Variants in GRID2 observed in about 807,000 individuals in gnomAD.
GRID2 encodes the protein glutamate receptor ionotropic, delta-2.
GRID2 carries 33 observed loss-of-function variants against 114.8 expected under a neutral mutation model. The ratio of observed to expected loss-of-function variants is 0.29; its 90% CI spans 0.22 to 0.38. The LOEUF is 0.38. Ranked by LOEUF, GRID2 falls within the 10% of genes least tolerant of loss-of-function variation. GRID2 has a pLI of 1.00. For synonymous variants in GRID2, 505 were observed against 449.9 expected (o/e 1.12, Z -1.55); for missense variants, 1,184 against 1,257.7 (o/e 0.94, Z 0.89).
intron 2 of GRID2, among the ~76,000 whole-genome samples, chr4:93,068,473 TCTAA>T (rs879548311): frequency 1.3e-5 from 2 of 152,082 alleles, no homozygotes; most frequent in Non-Finnish European, 2.9e-5. Context: ...AATTGGAACA[TCTAA>T]CTCTCGTTAA....
chr4:93,127,765 G>A (rs1340718957), intron 4 of GRID2, among the ~76,000 whole-genome samples: 10 of 151,952 alleles, frequency 6.6e-5, no homozygotes, highest in Non-Finnish European at 1.5e-4. Context: ...GGGAGGCTGA[G>A]GCAGGAGGAT....
intron 13 of GRID2, among the ~76,000 whole-genome samples, chr4:93,561,873 C>G (rs1171816585): frequency 2.0e-5 from 3 of 152,040 alleles, no homozygotes; most frequent in Non-Finnish European, 2.9e-5. Flanking sequence ...ATTTTTTAAG[C>G]TCTGAATAAT....
intron 8 of GRID2, among the ~76,000 whole-genome samples, chr4:93,300,507 A>T (rs2149166265): frequency 6.6e-6 from 1 of 152,296 alleles, no homozygotes; most frequent in Non-Finnish European, 1.5e-5. Context: ...GTGTTGAGGT[A>T]CAGCACTTTT....
At chr4:93,497,749 T>C (rs911313177) in intron 12 of GRID2, among the ~76,000 whole-genome samples, 9 of 151,872 alleles carry the variant, frequency 5.9e-5, no homozygotes, top group African/African-American at 2.2e-4. Flanking sequence ...ACAGTTTTGA[T>C]TACTGTAGTT....
At chr4:93,389,559 C>A (rs751558128) in intron 8 of GRID2, among the ~76,000 whole-genome samples, 7 of 152,080 alleles carry the variant, frequency 4.6e-5, no homozygotes, top group Non-Finnish European at 7.4e-5. Flanking sequence ...TGTACCAATA[C>A]AACAATACTA....
Position 92,983,933 on chromosome 4 carries a change from T to G in GRID2, c.245-101062T>G, listed in dbSNP as rs533526346. Among the ~76,000 whole-genome samples, 6 of 152,258 alleles carry G rather than the reference T, an allele frequency of 3.9e-5. No homozygotes were observed. The South Asian group carries it at 1.2e-3, about 32-fold the overall frequency. On this transcript the variant is annotated intron_variant, in intron 2 of 15. Coordinates refer to ENST00000282020, the MANE Select transcript of GRID2 (RefSeq NM_001510.4). ...AAACTAAACTTGAAGAAAGAAGCAATAGCCTGTAATAGGACAGAGACTGGG... is the reference window on the plus strand; with the variant it reads ...AAACTAAACTTGAAGAAAGAAGCAAGAGCCTGTAATAGGACAGAGACTGGG...
intron 2 of GRID2, among the ~76,000 whole-genome samples, chr4:93,078,388 A>T (rs952151210): frequency 6.6e-6 from 1 of 151,942 alleles, no homozygotes; most frequent in East Asian, 1.9e-4. Flanking sequence ...AAACATTCAT[A>T]TGAATATCTT....
At chr4:92,835,462 G>C (rs1380498405) in intron 2 of GRID2, among the ~76,000 whole-genome samples, 1 of 152,050 alleles carries the variant, frequency 6.6e-6, no homozygotes, top group African/African-American at 2.4e-5. Context: ...AGGAAGTTCT[G>C]GTTCAGGAAA....
chr4:92,811,944 C>A (rs1310009958), intron 2 of GRID2, among the ~76,000 whole-genome samples: 1 of 152,040 alleles, frequency 6.6e-6, no homozygotes, highest in Non-Finnish European at 1.5e-5. Flanking sequence ...ATCTGAAAGG[C>A]AGTACCAGTA....
chr4:93,481,476 C>G (rs1725855791), intron 11 of GRID2, among the ~76,000 whole-genome samples: 1 of 152,056 alleles, frequency 6.6e-6, no homozygotes, highest in African/African-American at 2.4e-5. Context: ...AAACTGCCAT[C>G]AAGATATTAA....
Position 93,466,581 on chromosome 4 carries a change from G to A in GRID2, c.1858+10607G>A, listed in dbSNP as rs187333026. On this transcript the variant is annotated intron_variant, in intron 11 of 15. Transcript: ENST00000282020. ...GGGGTAGTAACTTTTGGATCATTGGGTCATTACCATGGAAAGGGGCAGTAA... is the reference window on the plus strand; with the variant it reads ...GGGGTAGTAACTTTTGGATCATTGGATCATTACCATGGAAAGGGGCAGTAA... Among the ~76,000 whole-genome samples the A allele has an allele frequency of 2.4e-3, 371 of 152,232 alleles. 2 individuals are homozygous for A. Among genetic ancestry groups the A allele is most frequent in the African/African-American group, 8.6e-3 (357 of 41,550 alleles).
intron 1 of GRID2, among the ~76,000 whole-genome samples, chr4:92,393,215 A>G (rs1730334344): frequency 6.6e-6 from 1 of 152,166 alleles, no homozygotes; most frequent in Non-Finnish European, 1.5e-5. Context: ...ATCCACTCCT[A>G]TGATTCAAAA....
chr4:92,761,326 A>C (rs948084032), intron 2 of GRID2, among the ~76,000 whole-genome samples: 2 of 152,206 alleles, frequency 1.3e-5, no homozygotes, highest in Non-Finnish European at 2.9e-5. Flanking sequence ...TGATTAAATT[A>C]GTATAGGAAA....
chr4:93,069,257 ATGTG>A (rs954197949), intron 2 of GRID2, among the ~76,000 whole-genome samples: 29 of 120,388 alleles, frequency 2.4e-4, no homozygotes, highest in Middle Eastern at 8.2e-3. Context: ...TATATTATAT[ATGTG>A]TGTGTGTATA....
intron 2 of GRID2, among the ~76,000 whole-genome samples, chr4:92,949,815 A>G (rs1471658563): frequency 6.6e-6 from 1 of 151,872 alleles, no homozygotes; most frequent in Non-Finnish European, 1.5e-5. Context: ...TGTGTCCATG[A>G]GTATGAGATG....
Position 93,496,299 on chromosome 4 carries a change from T to TATAGTACAGAGCAGTGTC in GRID2, c.1997+5525_1997+5542dup, listed in dbSNP as rs565875052. Among the ~76,000 whole-genome samples, 15 of 151,898 alleles carry TATAGTACAGAGCAGTGTC rather than the reference T, an allele frequency of 9.9e-5. No homozygotes were observed. The East Asian group carries it at 2.9e-3, about 30-fold the overall frequency. On this transcript the variant is annotated intron_variant, in intron 12 of 15. Coordinates refer to ENST00000282020, the MANE Select transcript of GRID2 (RefSeq NM_001510.4). The stretch of plus-strand genomic sequence containing the variant: ...ATATATACACAGGAAGTTTCAAAGA[T>TATAGTACAGAGCAGTGTC]ATAGTACAGAGCAGTGTCATGTATT...
chr4:92,929,921 G>A (rs1396871832), intron 2 of GRID2, among the ~76,000 whole-genome samples: 1 of 150,882 alleles, frequency 6.6e-6, no homozygotes, highest in Non-Finnish European at 1.5e-5. Context: ...TTTTTTACTT[G>A]GGTTGTACAA....
intron 1 of GRID2, among the ~76,000 whole-genome samples, chr4:92,519,839 G>A (rs919994212): frequency 6.6e-6 from 1 of 151,732 alleles, no homozygotes; most frequent in African/African-American, 2.4e-5. Context: ...AACTGATGTC[G>A]AGGCTCAAAT....
chr4:93,056,873 G>C (rs1727294436), intron 2 of GRID2, among the ~76,000 whole-genome samples: 1 of 151,910 alleles, frequency 6.6e-6, no homozygotes, highest in Non-Finnish European at 1.5e-5. Context: ...AAGATAATTA[G>C]AATCAGGTCA....
Sources: allele counts gnomAD v4.1 joint callset (sites outside exome capture counted in the v4.1 genomes callset), GRCh38; gene constraint gnomAD v4.1.1; transcripts MANE v1.5; gene names NCBI Gene and HGNC (gene_info 2026-07-23, HGNC 2026-07-21).